The following DLGAP2 variants were observed in gnomAD, a reference collection of about 807,000 sequenced individuals.
DLGAP2 encodes the protein disks large-associated protein 2.
In DLGAP2, 26 loss-of-function variants were observed where a neutral mutation model predicts 100.3. The observed-to-expected ratio is 0.26, with a 90% confidence interval of 0.19 to 0.36. The LOEUF is 0.36. Among genes scored for constraint, DLGAP2 ranks in the 10% least tolerant of loss-of-function variants. The pLI is 1.00. For missense variants in DLGAP2, 1,858 were observed against 1,453.2 expected (o/e 1.28, Z -4.53); for synonymous variants, 886 against 630.1 (o/e 1.41, Z -6.08).
At chr8:795,412 A>G (rs1319424779) in intron 1 of DLGAP2, among the ~76,000 whole-genome samples, 1 of 152,222 alleles carries the variant, frequency 6.6e-6, no homozygotes, top group Non-Finnish European at 1.5e-5. Flanking sequence ...TAGACTGTCT[A>G]GACAGCACCT....
intron 2 of DLGAP2, among the ~76,000 whole-genome samples, chr8:1,118,327 A>T (rs1306022019): frequency 6.6e-6 from 1 of 152,154 alleles, no homozygotes; most frequent in Admixed American, 6.5e-5. Flanking sequence ...GTGAGCAGAG[A>T]CTGAGAAACT....
chr8:1,363,625 C>T lies in DLGAP2; in HGVS notation c.106+104742C>T, dbSNP rs867806485. Among the ~76,000 whole-genome samples, 81 of 152,328 alleles carry T rather than the reference C, an allele frequency of 5.3e-4. 1 individual carries two copies. Among genetic ancestry groups the T allele is most frequent in the Middle Eastern group, 3.4e-3 (1 of 294 alleles). ...CAGGCGACATTGGGATCTGGACCTG[C>T]AAATCTCCTCTGTCTTCTGGCCCTC... On this transcript the variant is annotated intron_variant, in intron 3 of 14. Coordinates refer to ENST00000637795, the MANE Select transcript of DLGAP2 (RefSeq NM_001346810.2).
At chr8:819,414 G>C (rs565285431) in intron 1 of DLGAP2, among the ~76,000 whole-genome samples, 2 of 152,334 alleles carry the variant, frequency 1.3e-5, no homozygotes, top group Admixed American at 6.5e-5. Context: ...AGGTGCAGGA[G>C]TAAGTGGGAA....
At position 840,877 on chromosome 8, in the gene DLGAP2, C is replaced by A. The variant is rs373033487; in HGVS notation, c.19-67035C>A. On this transcript the variant is annotated intron_variant, in intron 1 of 14. Coordinates refer to ENST00000637795, the MANE Select transcript of DLGAP2 (RefSeq NM_001346810.2). ...TCGTCTGTGTTTTCAGCCTTGGCAGCTGGATCCAGAGACTGGATCCCCTTG... is the reference window on the plus strand; with the variant it reads ...TCGTCTGTGTTTTCAGCCTTGGCAGATGGATCCAGAGACTGGATCCCCTTG... Among the ~76,000 whole-genome samples the A allele has an allele frequency of 5.3e-5, 8 of 152,326 alleles. No individual in the cohort carries two copies. In the East Asian group the frequency reaches 1.5e-3, roughly 29 times the overall value.
intron 2 of DLGAP2, among the ~76,000 whole-genome samples, chr8:984,901 A>T (rs1204774498): frequency 6.6e-6 from 1 of 152,176 alleles, no homozygotes; most frequent in Non-Finnish European, 1.5e-5. Flanking sequence ...ACTATTGATC[A>T]TCATAATGGG....
chr8:1,423,881 A>C (rs1318165543), intron 3 of DLGAP2, among the ~76,000 whole-genome samples: 1 of 152,242 alleles, frequency 6.6e-6, no homozygotes, highest in African/African-American at 2.4e-5. Flanking sequence ...CCCTGCATGG[A>C]AACATCAAGA....
chr8:1,284,057 G>C (rs115930376), intron 3 of DLGAP2, among the ~76,000 whole-genome samples: 150 of 152,306 alleles, frequency 9.8e-4, no homozygotes, highest in African/African-American at 3.3e-3. Flanking sequence ...TGGCCTTCTT[G>C]ATAATAGGAA....
At chr8:1,223,673 G>A (rs976228340) in intron 2 of DLGAP2, among the ~76,000 whole-genome samples, 4 of 152,210 alleles carry the variant, frequency 2.6e-5, no homozygotes, top group Non-Finnish European at 4.4e-5. Flanking sequence ...TTCTGAAAGG[G>A]AAGAGCAAGA....
intron 2 of DLGAP2, among the ~76,000 whole-genome samples, chr8:1,028,071 C>T (rs1338819240): frequency 2.4e-3 from 236 of 96,526 alleles, no homozygotes; most frequent in Middle Eastern, 0.01. Flanking sequence ...AGGTGGGGTG[C>T]CAAGCGCCCG....
At chr8:1,616,475 A>T (rs1441905009) in intron 6 of DLGAP2, among the ~76,000 whole-genome samples, 1 of 152,182 alleles carries the variant, frequency 6.6e-6, no homozygotes, top group African/African-American at 2.4e-5. Context: ...CCAGAGAGAG[A>T]CAAGTCTGTA....
In DLGAP2 at chr8:1,681,650, G is replaced by T. The variant is rs77795139; in HGVS notation, c.2704+3021G>T. On this transcript the variant is annotated intron_variant, in intron 12 of 14. Transcript: ENST00000637795. ...CAGAACAAGACCCTGTCTCAAAAAA[G>T]AAAGAAAGAAAGAATATCTAGACCA... 8.4e-3 allele frequency among the ~76,000 whole-genome samples: 1,274 copies of T among 151,736 alleles called. 22 individuals carry two copies. The highest frequency in any genetic ancestry group is 0.03 in the African/African-American group (1,224 of 41,104).
chr8:804,455 G>C (rs1796228356), intron 1 of DLGAP2, among the ~76,000 whole-genome samples: 1 of 152,192 alleles, frequency 6.6e-6, no homozygotes, highest in Non-Finnish European at 1.5e-5. Context: ...GTTTCGAGGA[G>C]ATCTTGGGTG....
intron 1 of DLGAP2, among the ~76,000 whole-genome samples, chr8:794,107 G>C (rs4735924): frequency 0.25 from 37,897 of 151,440 alleles, 5,880 homozygotes; most frequent in African/African-American, 0.44. Context: ...CTGCAGGACA[G>C]GGTCCCTTGT....
chr8:1,209,795 G>C (rs943982925), intron 2 of DLGAP2, among the ~76,000 whole-genome samples: 6 of 152,248 alleles, frequency 3.9e-5, no homozygotes, highest in East Asian at 3.9e-4. Context: ...GGTCTGACTT[G>C]TCTGTATCCT....
intron 3 of DLGAP2, among the ~76,000 whole-genome samples, chr8:1,488,738 C>G (rs780586874): frequency 2.6e-4 from 39 of 152,178 alleles, no homozygotes; most frequent in Non-Finnish European, 5.6e-4. Flanking sequence ...GCACGATGGG[C>G]ATGACGACGT....
Position 899,737 on chromosome 8 carries a change from A to C in DLGAP2, c.19-8175A>C, listed in dbSNP as rs556231349. Among the ~76,000 whole-genome samples, 12 of 152,362 alleles carry C rather than the reference A, an allele frequency of 7.9e-5. No homozygotes were observed. In the East Asian group the frequency reaches 1.9e-3, roughly 25 times the overall value. On this transcript the variant is annotated intron_variant, in intron 1 of 14. Coordinates refer to ENST00000637795, the MANE Select transcript of DLGAP2 (RefSeq NM_001346810.2). Reference sequence around the variant, plus strand: ...GTTTCTTCTAGGTTGAATTAGCTGGAAAGAATTAATTGAGTATATATTAAT... The same window carrying C: ...GTTTCTTCTAGGTTGAATTAGCTGGCAAGAATTAATTGAGTATATATTAAT...
chr8:1,351,260 C>A (rs143908806), intron 3 of DLGAP2, among the ~76,000 whole-genome samples: 616 of 8,020 alleles, frequency 0.077, 1 homozygote, highest in Admixed American at 0.12. Context: ...GTGTGTGGAA[C>A]GGCCGTGCGG....
intron 5 of DLGAP2, among the ~76,000 whole-genome samples, chr8:1,561,729 C>G (rs1457365915): frequency 6.9e-6 from 1 of 144,736 alleles, no homozygotes; most frequent in African/African-American, 2.6e-5. Context: ...GGTGTCCGCG[C>G]CTCGTTTCTG....
At position 1,565,854 on chromosome 8, in the gene DLGAP2, C is replaced by G. The variant is rs779051609; in HGVS notation, c.1402C>G (p.Leu468Val). 6.2e-7 allele frequency: 1 copy of G among 1,612,460 alleles called. No individual in the cohort carries two copies. The highest frequency in any genetic ancestry group is 8.5e-7 in the Non-Finnish European group (1 of 1,179,206). The stretch of plus-strand genomic sequence containing the variant: ...GTCGGCAATCCTACCAGAGCCGCTG[C>G]TGAAGTCCATCGGACAGAGACCGCT... Reference protein sequence around the residue: ...PKSAILPEPLLKSIGQRPLGE... With the variant: ...PKSAILPEPLVKSIGQRPLGE... Residue 468 changes from leucine to valine, a missense_variant, in exon 6 of 15, where the codon CTG becomes GTG. Leu to Val is a conservative substitution (Grantham distance 32). Transcript: ENST00000637795.
Sources: allele counts gnomAD v4.1 joint callset (sites outside exome capture counted in the v4.1 genomes callset), GRCh38; gene constraint gnomAD v4.1.1; transcripts MANE v1.5; gene names NCBI Gene and HGNC (gene_info 2026-07-23, HGNC 2026-07-21).